Variants in DMBT1 observed in about 807,000 individuals in gnomAD.
The protein encoded by DMBT1 is deleted in malignant brain tumors 1, also known as scavenger receptor cysteine-rich domain-containing protein DMBT1.
In DMBT1, 198 loss-of-function variants were observed where a neutral mutation model predicts 252.9. The ratio of observed to expected loss-of-function variants is 0.78; its 90% CI spans 0.70 to 0.88. DMBT1 has a LOEUF of 0.88. DMBT1 is among the 40% of genes least tolerant of loss of function. The pLI, the probability that DMBT1 is intolerant of heterozygous loss-of-function variation, is 0.00. For missense variants in DMBT1, 2,432 were observed against 2,404.7 expected (o/e 1.01, Z -0.24); for synonymous variants, 990 against 942.7 (o/e 1.05, Z -0.92).
At chr10:122,577,692 C>T in intron 7 of DMBT1, 119 bp from the exon 8 acceptor site, 2 of 1,197,256 alleles carry the variant, frequency 1.7e-6, no homozygotes, top group Non-Finnish European at 2.4e-6. Context: ...GCAGGGCCCA[C>T]TTGGTGGGCG....
chr10:122,597,404 C>T (rs1438202103), intron 24 of DMBT1, among the ~76,000 whole-genome samples: 2 of 152,160 alleles, frequency 1.3e-5, no homozygotes, highest in African/African-American at 2.4e-5. Flanking sequence ...CCAAAGTCTC[C>T]TGGGTAGCCA....
rs550500125 is a variant in DMBT1, at chr10:122,599,305, C to A, written c.3280+208C>A. ...GGACAGGGGACCAAACTCAAACAAC[C>A]CAGAGTTTTTCCCCTTCCTGAGGGA... is the stretch of plus-strand genomic sequence containing the variant. On this transcript the variant is annotated intron_variant, in intron 26 of 55. Transcript: ENST00000338354. Among the ~76,000 whole-genome samples the A allele has an allele frequency of 3.9e-5, 6 of 152,280 alleles. No individual in the cohort carries two copies. In the South Asian group the frequency reaches 1.2e-3, roughly 32 times the overall value.
chr10:122,619,688 T>C (rs2098042716), intron 42 of DMBT1, among the ~76,000 whole-genome samples: 1 of 152,206 alleles, frequency 6.6e-6, no homozygotes, highest in Admixed American at 6.5e-5. Context: ...CAAAGTCACC[T>C]GGGAAGGCAA....
At position 122,629,938 on chromosome 10, in the gene DMBT1, T is replaced by C. The variant is rs2098146746; in HGVS notation, c.5767T>C (p.Trp1923Arg). ...AYYPNNAKCV[W>R]EIEVNSGYRI... ...CTACCCCAACAATGCTAAGTGTGTT[T>C]GGGAAATAGAAGTGAATTCTGGTTA... Residue 1923 changes from tryptophan (W) to arginine (R), a missense_variant, in exon 47 of 56, where the codon TGG becomes CGG. By Grantham distance (101) the Trp-to-Arg change is moderately radical (BLOSUM62 -3). This residue lies in a region of DMBT1 where 1,162 missense variants were observed against 1,169.0 expected (regional missense o/e 0.99). Transcript: ENST00000338354. The C allele has an allele frequency of 2.5e-6, 4 of 1,613,862 alleles. No homozygotes were observed. The highest frequency in any genetic ancestry group is 3.4e-6 in the Non-Finnish European group (4 of 1,179,898).
chr10:122,631,842 A>G lies in DMBT1; in HGVS notation c.6347-13A>G. 2 of 1,613,494 alleles carry G rather than the reference A, an allele frequency of 1.2e-6. No individual in the cohort carries two copies. Among genetic ancestry groups the G allele is most frequent in the Non-Finnish European group, 8.5e-7 (1 of 1,179,738 alleles). ...TGTCTGTGACCTATGCTTTTTTTCTATTCCTTTTTCAGGAAACCATCTATC... is the reference window on the plus strand; with the variant it reads ...TGTCTGTGACCTATGCTTTTTTTCTGTTCCTTTTTCAGGAAACCATCTATC... On this transcript the variant is annotated splice_polypyrimidine_tract_variant and intron_variant, in intron 49 of 55. Transcript: ENST00000338354.
At position 122,579,569 on chromosome 10, in the gene DMBT1, C is replaced by T. The variant is rs751233763; in HGVS notation, c.680-9C>T. ...GGGATGGATGAAGGGTTCTTGTGTTCCCCTGTAGGATCTGAATCCAGTTTG... is the reference window on the plus strand; with the variant it reads ...GGGATGGATGAAGGGTTCTTGTGTTTCCCTGTAGGATCTGAATCCAGTTTG... On this transcript the variant is annotated splice_polypyrimidine_tract_variant and intron_variant, in intron 9 of 55. Transcript: ENST00000338354. The T allele has an allele frequency of 3.3e-5, 53 of 1,612,190 alleles. No individual in the cohort carries two copies. The highest frequency in any genetic ancestry group is 4.2e-5 in the Non-Finnish European group (49 of 1,179,702).
intron 1 of DMBT1, among the ~76,000 whole-genome samples, chr10:122,561,999 A>T (rs988108369): frequency 6.0e-5 from 9 of 149,606 alleles, no homozygotes; most frequent in Non-Finnish European, 1.2e-4. Flanking sequence ...GGCAGCTATT[A>T]TCACCTTCCC....
chr10:122,632,785 G>GA (rs1366503515), intron 50 of DMBT1, 76 bp from the exon 51 acceptor site: 163 of 1,572,264 alleles, frequency 1.0e-4, no homozygotes, highest in Non-Finnish European at 1.3e-4. Flanking sequence ...CACAGCATCT[G>GA]CACAGCTCAT....
rs201320887 is a variant in DMBT1, at chr10:122,591,482, C to T, written c.2141C>T (p.Thr714Met). ...AQSRSTPRPD[T>M]LSTITLPPST... ...TTGTCTTTGTTGCAATTTACAGACA[C>T]GTTGTCGACCATCACGTTACCTCCA... Residue 714 changes from threonine to methionine, a missense_variant, in exon 19 of 56, where the codon ACG (threonine) becomes ATG (methionine). By Grantham distance (81) the Thr-to-Met change is moderately conservative. Coordinates refer to ENST00000338354, the MANE Select transcript of DMBT1 (RefSeq NM_001377530.1). 6.9e-6 allele frequency: 11 copies of T among 1,587,204 alleles called. No individual in the cohort carries two copies. In the East Asian group the frequency reaches 1.4e-4, roughly 20 times the overall value.
rs895126681 is a variant in DMBT1 at position 122,599,076 on chromosome 10, G to A, written c.3259G>A (p.Asp1087Asn). Residue 1087 changes from aspartate (D) to asparagine (N), a missense_variant, in exon 26 of 56, where the codon GAC (aspartate) becomes AAC (asparagine). Physicochemically the swap from Asp to Asn is conservative, Grantham distance 23 (BLOSUM62 1). Transcript: ENST00000338354. ...CTCCCACAACTGTGGCCATAGTGAA[G>A]ACGCTGGTGTCATCTGCTCAGGTGG... ...WLSHNCGHSE[D>N]AGVICSASQS... 11 of 1,613,744 alleles carry A rather than the reference G, an allele frequency of 6.8e-6. No homozygotes were observed. The Middle Eastern group carries it at 4.9e-4, about 72-fold the overall frequency.
chr10:122,598,991 T>C lies in DMBT1; in HGVS notation c.3174T>C (p.Asp1058=). Residue 1058 remains aspartate, a synonymous_variant, in exon 26 of 56, where the codon GAT becomes GAC. Transcript: ENST00000338354. ...FGQGSGPIVL[D]DVRCSGHESY... The stretch of plus-strand genomic sequence containing the variant: ...AGGGCTCAGGACCCATTGTCCTGGA[T>C]GATGTGCGCTGCTCAGGACACGAGT... 19 of 1,613,746 alleles carry C rather than the reference T, an allele frequency of 1.2e-5. No homozygotes were observed. Among genetic ancestry groups the C allele is most frequent in the East Asian group, 2.2e-5 (1 of 44,850 alleles).
intron 42 of DMBT1, 58 bp downstream of exon 42, chr10:122,619,395 T>G (rs2098038966): frequency 6.2e-7 from 1 of 1,606,824 alleles, no homozygotes; most frequent in Non-Finnish European, 8.5e-7. Flanking sequence ...AGTTACCTCT[T>G]CCCCACTCCA....
At chr10:122,634,429 CTT>C (rs2098201972) in intron 52 of DMBT1, among the ~76,000 whole-genome samples, 2 of 54,830 alleles carry the variant, frequency 3.6e-5, no homozygotes, top group African/African-American at 8.5e-5. Context: ...CTCTCTCTCT[CTT>C]CTCTCTCTCT....
chr10:122,598,039 G>T (rs2097900396), intron 25 of DMBT1, 27 bp downstream of exon 25: 2 of 1,613,714 alleles, frequency 1.2e-6, no homozygotes, highest in Non-Finnish European at 1.7e-6. Context: ...CCCCTCCCTA[G>T]GGCTCACTCT....
intron 25 of DMBT1, among the ~76,000 whole-genome samples, chr10:122,598,309 T>A (rs571161266): frequency 5.9e-5 from 9 of 152,310 alleles, no homozygotes; most frequent in Non-Finnish European, 8.8e-5. Flanking sequence ...ACCTCATTCC[T>A]GTCCCTCAGC....
intron 52 of DMBT1, among the ~76,000 whole-genome samples, chr10:122,633,666 G>C (rs2098185576): frequency 6.6e-6 from 1 of 152,168 alleles, no homozygotes; most frequent in Non-Finnish European, 1.5e-5. Context: ...CAAAAGAGGG[G>C]AATAAAATAC....
chr10:122,631,224 C>A lies in DMBT1; in HGVS notation c.6289C>A (p.Arg2097=), dbSNP rs1265509713. The change falls in exon 49 of 56, where the codon CGA becomes AGA. Residue 2097 remains arginine (R), a synonymous_variant. Coordinates refer to ENST00000338354, the MANE Select transcript of DMBT1 (RefSeq NM_001377530.1). ...TESTLWQCRN[R]GWFSHNCNHR... ...ATCCACTCTCTGGCAGTGCCGGAAC[C>A]GAGGCTGGTTCTCCCACAACTGTAA... 1 of 1,613,878 alleles carries A rather than the reference C, an allele frequency of 6.2e-7. No individual in the cohort carries two copies. Among genetic ancestry groups the A allele is most frequent in the Non-Finnish European group, 8.5e-7 (1 of 1,179,906 alleles).
chr10:122,616,864 C>T (rs1183640102), intron 39 of DMBT1, among the ~76,000 whole-genome samples: 5 of 76,616 alleles, frequency 6.5e-5, no homozygotes, highest in South Asian at 1.1e-3. Flanking sequence ...CTGATTGTCC[C>T]CTGGGCAGCC....
At chr10:122,627,222 T>C (rs1432226860) in intron 46 of DMBT1, among the ~76,000 whole-genome samples, 1 of 152,212 alleles carries the variant, frequency 6.6e-6, no homozygotes, top group Non-Finnish European at 1.5e-5. Flanking sequence ...TTATCTAGCA[T>C]TGTGTCTGCC....
Sources: allele counts gnomAD v4.1 joint callset (sites outside exome capture counted in the v4.1 genomes callset), GRCh38; gene constraint gnomAD v4.1.1; regional missense constraint gnomAD v4.1.1; transcripts MANE v1.5; gene names NCBI Gene and HGNC (gene_info 2026-07-23, HGNC 2026-07-21).